KCNN2: variants seen among roughly 807,000 people sequenced by gnomAD.
KCNN2 encodes small conductance calcium-activated potassium channel protein 2.
A neutral mutation model predicts 55.5 loss-of-function variants in KCNN2; 24 were observed. That is an observed-to-expected ratio of 0.43 (90% CI 0.31 to 0.61). KCNN2 has a LOEUF of 0.61. Among genes scored for constraint, KCNN2 ranks in the 20% least tolerant of loss-of-function variants. The pLI is 0.08. For synonymous variants in KCNN2, 431 were observed against 336.1 expected (o/e 1.28, Z -3.09); for missense variants, 754 against 853.6 (o/e 0.88, Z 1.45).
In KCNN2 at chr5:114,362,672, C is replaced by A; in HGVS notation, c.533C>A (p.Ser178Tyr). ...SPTGSLGSLG[S>Y]GPPLSHHHHH... ...ACGGGCAGCCTCGGCAGTCTGGGCT[C>A]CGGGCCCCCGCTCTCGCACCACCAC... is the stretch of plus-strand genomic sequence containing the variant. Residue 178 changes from serine (S) to tyrosine (Y), a missense_variant, in exon 1 of 8, where the codon TCC becomes TAC. Transcript: ENST00000673685. The A allele has an allele frequency of 7.0e-7, 1 of 1,427,752 alleles. No homozygotes were observed. Among genetic ancestry groups the A allele is most frequent in the South Asian group, 1.5e-5 (1 of 68,204 alleles). The allele number at this position is 1,427,752 out of a possible 1,614,324, so 88.4% of individuals were successfully genotyped here.
At chr5:114,231,498 C>T (rs887391847) in intron 2 of KCNN2, among the ~76,000 whole-genome samples, 1 of 150,596 alleles carries the variant, frequency 6.6e-6, no homozygotes, top group African/African-American at 2.5e-5. Context: ...CAGCTTTCTA[C>T]ATATGGCTAG....
At chr5:114,453,386 G>C (rs753452733) in intron 3 of KCNN2, among the ~76,000 whole-genome samples, 5 of 152,128 alleles carry the variant, frequency 3.3e-5, no homozygotes, top group Non-Finnish European at 7.4e-5. Flanking sequence ...GCAAGCATTT[G>C]AATATTTAGC....
rs143697523 is a variant in KCNN2 at position 114,085,707 on chromosome 5, T to C, written c.-271+29207T>C. On this transcript the variant is annotated intron_variant, in intron 1 of 10. Transcript: ENST00000512097. ...GTTTCGAGTGCACTTGAAAATAATT[T>C]TGAGTTATTATTTTGTAAATATCAA... Among the ~76,000 whole-genome samples, 381 of 152,200 alleles carry C rather than the reference T, an allele frequency of 2.5e-3. 6 individuals carry two copies. Among genetic ancestry groups the C allele is most frequent in the African/African-American group, 8.9e-3 (368 of 41,566 alleles).
At chr5:114,312,862 T>C (rs750832161) in intron 2 of KCNN2, among the ~76,000 whole-genome samples, 94 of 152,218 alleles carry the variant, frequency 6.2e-4, no homozygotes, top group Non-Finnish European at 1.2e-3. Flanking sequence ...CAGTAACATA[T>C]GTAGCCCAAG....
intron 2 of KCNN2, among the ~76,000 whole-genome samples, chr5:114,342,258 A>G (rs1757031179): frequency 6.6e-6 from 1 of 151,990 alleles, no homozygotes; most frequent in African/African-American, 2.4e-5. Flanking sequence ...TCTCTTATGC[A>G]CTTACTCAAA....
At chr5:114,281,181 T>A (rs1580689884) in intron 2 of KCNN2, among the ~76,000 whole-genome samples, 1 of 152,200 alleles carries the variant, frequency 6.6e-6, no homozygotes, top group Admixed American at 6.5e-5. Context: ...TATTGTATAA[T>A]GCATTTATTT....
chr5:114,473,742 T>C (rs1761854100), intron 5 of KCNN2, among the ~76,000 whole-genome samples: 1 of 152,214 alleles, frequency 6.6e-6, no homozygotes, highest in African/African-American at 2.4e-5. Context: ...AAGAGCACTT[T>C]CTGTGCCAGG....
chr5:114,220,790 C>T (rs1754121223), intron 1 of KCNN2, among the ~76,000 whole-genome samples: 1 of 145,638 alleles, frequency 6.9e-6, no homozygotes, highest in Middle Eastern at 3.5e-3. Context: ...CGTGCCACTG[C>T]ACTCTAGCCT....
chr5:114,289,376 T>G (rs997990092), intron 2 of KCNN2, among the ~76,000 whole-genome samples: 4 of 151,258 alleles, frequency 2.6e-5, no homozygotes, highest in African/African-American at 9.7e-5. Context: ...CAACTTTTTT[T>G]TTTTTTTTTT....
At chr5:114,460,776 T>C (rs144371200) in intron 3 of KCNN2, among the ~76,000 whole-genome samples, 36 of 152,272 alleles carry the variant, frequency 2.4e-4, no homozygotes, top group African/African-American at 8.2e-4. Flanking sequence ...TCTGAGTACA[T>C]AGTGAACACT....
chr5:114,488,010 A>G lies in KCNN2; in HGVS notation c.2018+833A>G, dbSNP rs570759576. On this transcript the variant is annotated intron_variant, in intron 6 of 7. Coordinates refer to ENST00000673685, the MANE Select transcript of KCNN2 (RefSeq NM_021614.4). ...CCAATGAGATTTGTCTCTCAGAGCC[A>G]ACTAGTATAACAGGCAAGAAAACTC... is the stretch of plus-strand genomic sequence containing the variant. 5.4e-4 allele frequency among the ~76,000 whole-genome samples: 82 copies of G among 152,330 alleles called. 1 individual carries two copies. Among genetic ancestry groups the G allele is most frequent in the African/African-American group, 1.9e-3 (79 of 41,586 alleles).
intron 1 of KCNN2, among the ~76,000 whole-genome samples, chr5:114,193,972 A>G (rs1488361575): frequency 3.3e-5 from 5 of 152,146 alleles, no homozygotes; most frequent in Admixed American, 6.6e-5. Flanking sequence ...CATCACCACA[A>G]TATAATTTTA....
At chr5:114,215,818 G>T (rs1424930741) in intron 1 of KCNN2, among the ~76,000 whole-genome samples, 1 of 152,080 alleles carries the variant, frequency 6.6e-6, no homozygotes, top group Admixed American at 6.6e-5. Flanking sequence ...GCACCTTTAT[G>T]TTAGAAAGTA....
intron 1 of KCNN2, among the ~76,000 whole-genome samples, chr5:114,062,100 C>CTTT (rs35235217): frequency 7.0e-6 from 1 of 143,352 alleles, no homozygotes; most frequent in African/African-American, 2.6e-5. Flanking sequence ...TATATGGGTT[C>CTTT]TTTTTTTTTT....
intron 2 of KCNN2, among the ~76,000 whole-genome samples, chr5:114,233,327 G>T (rs999609441): frequency 6.6e-6 from 1 of 152,054 alleles, no homozygotes; most frequent in South Asian, 2.1e-4. Context: ...GCAACTTTGC[G>T]TATTTGATTA....
Position 114,474,492 on chromosome 5 carries a change from T to G in KCNN2, c.1890+1328T>G, listed in dbSNP as rs112395807. ...CTCCTAAATTTGTTCTCAAAACTTGTGAACATCCCTGTATGAGAGTGTGCA... is the reference window on the plus strand; with the variant it reads ...CTCCTAAATTTGTTCTCAAAACTTGGGAACATCCCTGTATGAGAGTGTGCA... On this transcript the variant is annotated intron_variant, in intron 5 of 7. Coordinates refer to ENST00000673685, the MANE Select transcript of KCNN2 (RefSeq NM_021614.4). Among the ~76,000 whole-genome samples, 165 of 152,316 alleles carry G rather than the reference T, an allele frequency of 1.1e-3. 1 individual carries two copies. The highest frequency in any genetic ancestry group is 1.9e-3 in the Non-Finnish European group (128 of 68,032).
chr5:114,417,922 A>C (rs1347127151), intron 3 of KCNN2, among the ~76,000 whole-genome samples: 1 of 152,218 alleles, frequency 6.6e-6, no homozygotes, highest in Non-Finnish European at 1.5e-5. Flanking sequence ...TCTGGGTCAG[A>C]TAAAACCTTA....
chr5:114,096,362 C>A (rs1751255552), intron 1 of KCNN2, among the ~76,000 whole-genome samples: 2 of 152,122 alleles, frequency 1.3e-5, no homozygotes, highest in Non-Finnish European at 2.9e-5. Flanking sequence ...TTTGACCATG[C>A]TACACTGGAT....
chr5:114,366,249 G>A (rs187421019), intron 2 of KCNN2, among the ~76,000 whole-genome samples: 86 of 152,148 alleles, frequency 5.7e-4, no homozygotes, highest in African/African-American at 1.9e-3. Context: ...GACTCTCCAC[G>A]GCAAATATGC....
Sources: gnomAD v4.1 joint callset for allele counts (sites outside exome capture counted in the v4.1 genomes callset) on GRCh38, gnomAD v4.1.1 for gene constraint, MANE v1.5 for transcripts, NCBI Gene and HGNC (gene_info 2026-07-23, HGNC 2026-07-21) for gene names.